Variants in NEK9 observed in about 807,000 individuals in gnomAD.
NEK9 encodes NIMA related kinase 9.
In NEK9, 75 loss-of-function variants were observed where a neutral mutation model predicts 123.4. The ratio of observed to expected loss-of-function variants is 0.61; its 90% CI spans 0.50 to 0.74. NEK9 has a LOEUF of 0.74. Among genes scored for constraint, NEK9 ranks in the 30% least tolerant of loss-of-function variants. The pLI, the probability that NEK9 is intolerant of heterozygous loss-of-function variation, is 0.00. For missense variants in NEK9, 952 were observed against 1,214.4 expected, an observed-to-expected ratio of 0.78 and a Z score of 3.21; for synonymous variants, 438 against 458.7, an observed-to-expected ratio of 0.95 and a Z score of 0.58.
At chr14:75,101,852 C>T in intron 14 of NEK9, 87 bp from the exon 15 acceptor site, 1 of 877,484 alleles carries the variant, frequency 1.1e-6, no homozygotes, top group Non-Finnish European at 1.9e-6. Context: ...GTCCTGGTGA[C>T]CAAAAGGCCT....
In NEK9 at chr14:75,097,230, G is replaced by A; in HGVS notation, c.2043C>T (p.Arg681=). The A allele has an allele frequency of 6.2e-7, 1 of 1,610,434 alleles. No individual in the cohort carries two copies. The highest frequency in any genetic ancestry group is 1.3e-5 in the African/African-American group (1 of 74,926). ...IFAWGNGGNG[R]LAMTPTERPH... Reference sequence around the variant, plus strand: ...GTCTCTCTGTGGGGGTCATTGCCAGGCGGCCATTACCACCATTGCCCCAGG... The same window carrying A: ...GTCTCTCTGTGGGGGTCATTGCCAGACGGCCATTACCACCATTGCCCCAGG... The change falls in exon 17 of 22, where the codon CGC becomes CGT. Residue 681 remains arginine, a synonymous_variant. Transcript: ENST00000238616.
At chr14:75,095,880 ACT>A (rs1441123506) in intron 17 of NEK9, among the ~76,000 whole-genome samples, 1 of 152,040 alleles carries the variant, frequency 6.6e-6, no homozygotes, top group Non-Finnish European at 1.5e-5. Flanking sequence ...ACAGAGTGAG[ACT>A]CTGTCTCAAA....
rs772619722 is a variant in NEK9 at position 75,097,219 on chromosome 14, G to T, written c.2054C>A (p.Thr685Asn). 2 of 1,610,418 alleles carry T rather than the reference G, an allele frequency of 1.2e-6. No individual in the cohort carries two copies. Among genetic ancestry groups the T allele is most frequent in the Admixed American group, 1.7e-5 (1 of 59,200 alleles). ...GNGGNGRLAM[T>N]PTERPHGSDI... ...AGAGCCATGTGGTCTCTCTGTGGGG[G>T]TCATTGCCAGGCGGCCATTACCACC... Residue 685 changes from threonine to asparagine, a missense_variant, in exon 17 of 22, where the codon ACC (threonine) becomes AAC (asparagine). Transcript: ENST00000238616.
intron 7 of NEK9, among the ~76,000 whole-genome samples, 176 bp from the exon 8 acceptor site, chr14:75,113,579 G>A (rs115528762): frequency 4.3e-4 from 65 of 152,278 alleles, no homozygotes; most frequent in African/African-American, 1.5e-3. Flanking sequence ...GTACATGAAG[G>A]AGAATGTTTA....
At chr14:75,091,661 G>A (rs1248047261) in intron 18 of NEK9, 183 bp from the exon 19 acceptor site, 3 of 469,324 alleles carry the variant, frequency 6.4e-6, no homozygotes, top group Non-Finnish European at 1.1e-5. Context: ...TTGTAATTTT[G>A]TATAGTTGTA....
rs1236653177 is a variant in NEK9 at position 75,120,544 on chromosome 14, C to T, written c.490G>A (p.Val164Met). The T allele has an allele frequency of 6.2e-7, 1 of 1,612,880 alleles. No individual in the cohort carries two copies. Among genetic ancestry groups the T allele is most frequent in the Non-Finnish European group, 8.5e-7 (1 of 1,179,302 alleles). Residue 164 changes from valine to methionine, a missense_variant, in exon 4 of 22, where the codon GTG (valine) becomes ATG (methionine). By Grantham distance (21) the Val-to-Met change is conservative. This residue lies in a region of NEK9 where 106 missense variants were observed against 153.0 expected (regional missense o/e 0.69). Coordinates refer to ENST00000238616, the MANE Select transcript of NEK9 (RefSeq NM_033116.6). ...VWYLFQIVSA[V>M]SCIHKAGILH... ...ATTCCAGCTTTATGGATGCAGCTCA[C>T]TGCTGAAACAATCTGAAATAGGTAC...
In NEK9 at chr14:75,079,390, A is replaced by G. The variant is rs1893802804; in HGVS notation, c.*5174T>C. On this transcript the variant is annotated 3_prime_UTR_variant, in exon 22 of 22. Coordinates refer to ENST00000238616, the MANE Select transcript of NEK9 (RefSeq NM_033116.6). ...CTTTTTAATTGTTCCAAAGGAAAGG[A>G]GGTATCACATAATAAAGCTTTATGG... The G allele has an allele frequency of 6.6e-6, 1 of 152,190 alleles. No homozygotes were observed. Among genetic ancestry groups the G allele is most frequent in the African/African-American group, 2.4e-5 (1 of 41,440 alleles). The allele number at this position is 152,190 out of a possible 1,614,324, so 9.4% of individuals were successfully genotyped here.
Position 75,082,831 on chromosome 14 carries a change from G to A in NEK9, c.*1733C>T, listed in dbSNP as rs1278343848. ...TTTACATGCTGAACCAAAACCCACTGTTACAGTTTATGACAACCCCCGCAA... is the reference window on the plus strand; with the variant it reads ...TTTACATGCTGAACCAAAACCCACTATTACAGTTTATGACAACCCCCGCAA... On this transcript the variant is annotated 3_prime_UTR_variant, in exon 22 of 22. Coordinates refer to ENST00000238616, the MANE Select transcript of NEK9 (RefSeq NM_033116.6). 7.6e-6 allele frequency: 3 copies of A among 397,208 alleles called. No individual in the cohort carries two copies. Among genetic ancestry groups the A allele is most frequent in the Non-Finnish European group, 1.3e-5 (3 of 225,798 alleles). The allele number at this position is 397,208 out of a possible 1,614,324, so 24.6% of individuals were successfully genotyped here.
At chr14:75,095,943 G>A (rs527780356) in intron 17 of NEK9, among the ~76,000 whole-genome samples, 1 of 152,142 alleles carries the variant, frequency 6.6e-6, no homozygotes, top group Non-Finnish European at 1.5e-5. Context: ...CCACCCCAGA[G>A]ATTCTGATTT....
At chr14:75,108,462 A>C (rs1894850249) in intron 10 of NEK9, among the ~76,000 whole-genome samples, 1 of 151,768 alleles carries the variant, frequency 6.6e-6, no homozygotes, top group African/African-American at 2.4e-5. Flanking sequence ...AATTCTATTA[A>C]ATGAGTATAC....
At chr14:75,103,059 G>A (rs1415186666) in intron 14 of NEK9, among the ~76,000 whole-genome samples, 4 of 152,078 alleles carry the variant, frequency 2.6e-5, no homozygotes, top group Non-Finnish European at 4.4e-5. Context: ...GGGGGAAGGG[G>A]GGAGGGATAG....
At chr14:75,086,321 T>C (rs1379016449) in intron 21 of NEK9, 1 of 151,442 alleles carries the variant, frequency 6.6e-6, no homozygotes, top group East Asian at 1.9e-4. Flanking sequence ...TGGATTCTAG[T>C]CTGATAAAAA....
intron 18 of NEK9, 78 bp downstream of exon 18, chr14:75,095,294 G>A: frequency 3.2e-6 from 3 of 942,104 alleles, no homozygotes; most frequent in Non-Finnish European, 5.0e-6. Flanking sequence ...TTTCCTTTGG[G>A]TTTTGGAGTC....
intron 6 of NEK9, 98 bp downstream of exon 6, chr14:75,117,097 C>T (rs556098782): frequency 7.3e-7 from 1 of 1,375,686 alleles, no homozygotes; most frequent in Non-Finnish European, 9.8e-7. Flanking sequence ...GTTATTTTTG[C>T]CAGAAATCAG....
At chr14:75,089,142 C>T (rs995846903) in intron 19 of NEK9, among the ~76,000 whole-genome samples, 1 of 152,152 alleles carries the variant, frequency 6.6e-6, no homozygotes, top group Admixed American at 6.5e-5. Context: ...CCATGACTCA[C>T]TGTAGTCCTG....
intron 13 of NEK9, among the ~76,000 whole-genome samples, chr14:75,105,415 G>A (rs574024314): frequency 3.9e-5 from 6 of 152,200 alleles, no homozygotes; most frequent in African/African-American, 1.4e-4. Flanking sequence ...GGGTAGGTGG[G>A]AGAGATGTGA....
chr14:75,107,200 A>C (rs1388600674), intron 11 of NEK9, 143 bp downstream of exon 11: 2 of 795,754 alleles, frequency 2.5e-6, no homozygotes, highest in African/African-American at 3.6e-5. Flanking sequence ...TTGGTATGTT[A>C]TTATTAATGA....
intron 19 of NEK9, among the ~76,000 whole-genome samples, chr14:75,089,694 C>T (rs1356535612): frequency 6.6e-6 from 1 of 151,358 alleles, no homozygotes; most frequent in Non-Finnish European, 1.5e-5. Context: ...TGCCACCATG[C>T]CCAGCTAATT....
In NEK9 at chr14:75,079,831, C is replaced by G. The variant is rs1893816619; in HGVS notation, c.*4733G>C. 1 of 152,136 alleles carries G rather than the reference C, an allele frequency of 6.6e-6. No individual in the cohort carries two copies. The highest frequency in any genetic ancestry group is 2.4e-5 in the African/African-American group (1 of 41,412). The allele number at this position is 152,136 out of a possible 1,614,324, so 9.4% of individuals were successfully genotyped here. A position where few individuals can be genotyped will look rare whatever the true frequency, so the allele number is the denominator to read the frequency against. ...CTTCTTTACCTTATCTGCCTGGTAC[C>G]ACAGGCACTTGGATTTGGGATCGCT... On this transcript the variant is annotated 3_prime_UTR_variant, in exon 22 of 22. Coordinates refer to ENST00000238616, the MANE Select transcript of NEK9 (RefSeq NM_033116.6).
Sources: allele counts gnomAD v4.1 joint callset (sites outside exome capture counted in the v4.1 genomes callset), GRCh38; gene constraint gnomAD v4.1.1; regional missense constraint gnomAD v4.1.1; transcripts MANE v1.5; gene names NCBI Gene and HGNC (gene_info 2026-07-23, HGNC 2026-07-21).